The following CNGB1 variants were observed in gnomAD, a reference collection of about 807,000 sequenced individuals.
CNGB1 encodes the protein cyclic nucleotide-gated channel beta-1.
CNGB1 carries 126 observed loss-of-function variants against 151.7 expected under a neutral mutation model. The ratio of observed to expected loss-of-function variants is 0.83; its 90% CI spans 0.72 to 0.96. The LOEUF (loss-of-function observed/expected upper bound fraction) is 0.96. Among genes scored for constraint, CNGB1 ranks in the 40% least tolerant of loss-of-function variants. The pLI is 0.00. For synonymous variants in CNGB1, 623 were observed against 635.1 expected (o/e 0.98, Z 0.29); for missense variants, 1,698 against 1,627.0 (o/e 1.04, Z -0.75).
chr16:57,963,090 G>T (rs547264205), intron 4 of CNGB1, 26 bp from the exon 5 acceptor site: 2 of 1,559,594 alleles, frequency 1.3e-6, no homozygotes, highest in Non-Finnish European at 1.8e-6. Flanking sequence ...ACACCAGCCC[G>T]CCCTCAACTT....
chr16:57,945,563 G>A (rs1253421571), intron 14 of CNGB1, among the ~76,000 whole-genome samples: 1 of 152,214 alleles, frequency 6.6e-6, no homozygotes, highest in Non-Finnish European at 1.5e-5. Flanking sequence ...GATCAGAAGG[G>A]CCAATGAGAA....
intron 17 of CNGB1, among the ~76,000 whole-genome samples, chr16:57,930,358 G>A (rs1402346252): frequency 1.3e-5 from 2 of 151,956 alleles, no homozygotes; most frequent in African/African-American, 2.4e-5. Flanking sequence ...TTAGCTGGGT[G>A]GTGGCATGTG....
chr16:57,962,910 C>G, intron 5 of CNGB1, 38 bp from the exon 6 acceptor site: 1 of 1,612,264 alleles, frequency 6.2e-7, no homozygotes, highest in East Asian at 2.2e-5. Flanking sequence ...GCAGGGAGCC[C>G]AAGGGCAGCC....
intron 14 of CNGB1, among the ~76,000 whole-genome samples, chr16:57,948,933 G>A (rs1311882586): frequency 6.6e-6 from 1 of 152,212 alleles, no homozygotes; most frequent in East Asian, 1.9e-4. Context: ...GGCAACCAAG[G>A]TGGGTGGATA....
At chr16:57,962,735 G>T in intron 6 of CNGB1, 107 bp downstream of exon 6, 1 of 1,573,966 alleles carries the variant, frequency 6.4e-7, no homozygotes, top group South Asian at 1.1e-5. Flanking sequence ...TCAGTCAGGT[G>T]AGAAGATCCA....
chr16:57,903,665 T>C (rs949511773), intron 27 of CNGB1, among the ~76,000 whole-genome samples, 157 bp downstream of exon 27: 2 of 152,064 alleles, frequency 1.3e-5, no homozygotes, highest in African/African-American at 4.8e-5. Context: ...ACTGGGCACC[T>C]CTCACACCAA....
At position 57,897,814 on chromosome 16, in the gene CNGB1, G is replaced by T. The variant is rs781682721; in HGVS notation, c.3077C>A (p.Ser1026Tyr). ...KSVLVTLKAGSVFGEISLLAV... is the reference protein window; with the variant it reads ...KSVLVTLKAGYVFGEISLLAV... ...GTCTGACCTTATTTCTCCAAACACA[G>T]ATCCAGCTTTCAGCGTCACCAGCAC... The change falls in exon 30 of 33, where the codon TCT (serine) becomes TAT (tyrosine). Residue 1026 changes from serine (S) to tyrosine (Y), a missense_variant. Coordinates refer to ENST00000251102, the MANE Select transcript of CNGB1 (RefSeq NM_001297.5). 3.1e-6 allele frequency: 5 copies of T among 1,614,188 alleles called. No homozygotes were observed. The highest frequency in any genetic ancestry group is 3.4e-6 in the Non-Finnish European group (4 of 1,180,024).
intron 31 of CNGB1, among the ~76,000 whole-genome samples, chr16:57,896,761 T>TAAATAAAA (rs1161848416): frequency 2.2e-4 from 30 of 139,136 alleles, no homozygotes; most frequent in East Asian, 1.6e-3. Context: ...AATAAATAAA[T>TAAATAAAA]AAAATAACTG....
At chr16:57,922,869 T>C (rs1207717681) in intron 18 of CNGB1, among the ~76,000 whole-genome samples, 1 of 151,834 alleles carries the variant, frequency 6.6e-6, no homozygotes, top group Admixed American at 6.5e-5. Flanking sequence ...GAATCTTTTT[T>C]TTTTTTCTTT....
chr16:57,884,317 C>A lies in CNGB1; in HGVS notation c.3603G>T (p.Pro1201=). 1 of 1,612,164 alleles carries A rather than the reference C, an allele frequency of 6.2e-7. No individual in the cohort carries two copies. ...EPPGSPPSSP[P]PASLGRPEGE... is the part of the protein sequence containing the mutation. Reference sequence around the variant, plus strand: ...CCTCCGGCCTCCCAAGGGAGGCAGGCGGTGGAGAGCTCGGTGGAGACCCCG... The same window carrying A: ...CCTCCGGCCTCCCAAGGGAGGCAGGAGGTGGAGAGCTCGGTGGAGACCCCG... The change falls in exon 33 of 33, where the codon CCG becomes CCT. Residue 1201 remains proline (P), a synonymous_variant. Transcript: ENST00000251102.
At chr16:57,898,026 G>A in intron 29 of CNGB1, 112 bp from the exon 30 acceptor site, 3 of 1,046,198 alleles carry the variant, frequency 2.9e-6, no homozygotes, top group South Asian at 2.6e-5. Flanking sequence ...TAGGCACTGG[G>A]GTCCAGCCCT....
intron 29 of CNGB1, among the ~76,000 whole-genome samples, chr16:57,901,066 G>T (rs1011568429): frequency 2.0e-5 from 3 of 152,164 alleles, no homozygotes; most frequent in East Asian, 3.9e-4. Flanking sequence ...AGTTGGGGGG[G>T]GGGTCTTTGT....
At chr16:57,946,179 C>A (rs1961804349) in intron 14 of CNGB1, among the ~76,000 whole-genome samples, 1 of 152,194 alleles carries the variant, frequency 6.6e-6, no homozygotes, top group South Asian at 2.1e-4. Flanking sequence ...GAGACACCCT[C>A]CGGCTTTCCA....
In CNGB1 at chr16:57,940,020, C is replaced by T. The variant is rs2303780; in HGVS notation, c.1209+214G>A. ...CAAGCCAGGCACCCACAGGAGGACT[C>T]GAGCTGGGTCCACCCGTCTCCCCAC... On this transcript the variant is annotated intron_variant, in intron 15 of 32. Transcript: ENST00000251102. 1.1e-4 allele frequency among the ~76,000 whole-genome samples: 16 copies of T among 152,294 alleles called. No homozygotes were observed. In the East Asian group the frequency reaches 2.5e-3, roughly 24 times the overall value.
chr16:57,919,720 T>G (rs1960974876), intron 19 of CNGB1, among the ~76,000 whole-genome samples: 1 of 152,158 alleles, frequency 6.6e-6, no homozygotes, highest in Admixed American at 6.6e-5. Context: ...CTCTTTCATC[T>G]CTAAAAACAG....
chr16:57,920,138 G>A (rs1262572996), intron 19 of CNGB1, among the ~76,000 whole-genome samples: 3 of 152,226 alleles, frequency 2.0e-5, no homozygotes, highest in African/African-American at 7.2e-5. Context: ...AAGGGTCAAG[G>A]AAGGCACTTG....
chr16:57,941,478 A>C (rs1182236717), intron 14 of CNGB1, among the ~76,000 whole-genome samples: 2 of 152,208 alleles, frequency 1.3e-5, no homozygotes, highest in Non-Finnish European at 2.9e-5. Context: ...TCAGTCGGTA[A>C]TCACATTGCC....
chr16:57,913,267 C>A (rs1456679962), intron 23 of CNGB1, among the ~76,000 whole-genome samples: 7 of 152,108 alleles, frequency 4.6e-5, no homozygotes, highest in Admixed American at 4.6e-4. Context: ...ACTCCTGGAC[C>A]CTCTGAATTC....
intron 17 of CNGB1, among the ~76,000 whole-genome samples, chr16:57,924,407 C>A (rs146617149): frequency 6.6e-6 from 1 of 152,114 alleles, no homozygotes; most frequent in East Asian, 1.9e-4. Flanking sequence ...TGGAGGACTC[C>A]GCCCAGGCCA....
Sources: gnomAD v4.1 joint callset for allele counts (sites outside exome capture counted in the v4.1 genomes callset) on GRCh38, gnomAD v4.1.1 for gene constraint, MANE v1.5 for transcripts, NCBI Gene and HGNC (gene_info 2026-07-23, HGNC 2026-07-21) for gene names.